Variants in SLC39A8 observed in about 807,000 individuals in gnomAD.
SLC39A8 encodes solute carrier family 39 member 8, also known as metal cation symporter ZIP8.
Under a neutral mutation model 40.4 loss-of-function variants are expected in SLC39A8, and 15 were observed. The ratio of observed to expected loss-of-function variants is 0.37; its 90% CI spans 0.25 to 0.57. The LOEUF (loss-of-function observed/expected upper bound fraction) is 0.57. Ranked by LOEUF, SLC39A8 falls within the 20% of genes least tolerant of loss-of-function variation. SLC39A8 has a pLI of 0.75. For missense variants in SLC39A8, 472 were observed against 558.8 expected, an observed-to-expected ratio of 0.84 and a Z score of 1.57; for synonymous variants, 223 against 221.6, an observed-to-expected ratio of 1.01 and a Z score of -0.06.
chr4:102,307,379 T>G, intron 4 of SLC39A8, 57 bp downstream of exon 4: 1 of 1,582,494 alleles, frequency 6.3e-7, no homozygotes, highest in Non-Finnish European at 8.6e-7. Flanking sequence ...ACATACAAAG[T>G]GCTAAAACGT....
chr4:102,339,141 C>T (rs1192708034), intron 2 of SLC39A8, among the ~76,000 whole-genome samples: 1 of 152,064 alleles, frequency 6.6e-6, no homozygotes, highest in Non-Finnish European at 1.5e-5. Flanking sequence ...ACACACTGTA[C>T]ACAATCAACT....
At chr4:102,285,525 A>C (rs1160794541) in intron 6 of SLC39A8, among the ~76,000 whole-genome samples, 3 of 152,044 alleles carry the variant, frequency 2.0e-5, no homozygotes, top group African/African-American at 7.2e-5. Flanking sequence ...ATTATTAGTG[A>C]AGTATTAATA....
chr4:102,291,276 T>C (rs1165077806), intron 6 of SLC39A8, among the ~76,000 whole-genome samples: 2 of 152,034 alleles, frequency 1.3e-5, no homozygotes, highest in Non-Finnish European at 2.9e-5. Context: ...TGAAAATGTA[T>C]GCATTCTTTG....
rs974660134 is a variant in SLC39A8 at position 102,307,530 on chromosome 4, A to T, written c.458T>A (p.Ile153Lys). Residue 153 changes from isoleucine to lysine, a missense_variant, in exon 4 of 9, where the codon ATA becomes AAA. By Grantham distance (102) the Ile-to-Lys change is moderately radical. Coordinates refer to ENST00000356736, the MANE Select transcript of SLC39A8 (RefSeq NM_001135146.2). ...AATCTTTGGGAAATAAGATTTCTTT[A>T]TCAGTGGAGTCAAAATCAATCCGAG... ...SLLGLILTPL[I>K]KKSYFPKILT... 2 of 1,613,428 alleles carry T rather than the reference A, an allele frequency of 1.2e-6. No homozygotes were observed. The highest frequency in any genetic ancestry group is 2.7e-5 in the African/African-American group (2 of 74,874).
intron 2 of SLC39A8, chr4:102,324,205 G>C: frequency 3.7e-6 from 1 of 269,262 alleles, no homozygotes; most frequent in Non-Finnish European, 7.7e-6. Flanking sequence ...GACCATCCTG[G>C]CCAACATGGT....
intron 3 of SLC39A8, among the ~76,000 whole-genome samples, chr4:102,313,907 T>C (rs2149039493): frequency 6.6e-6 from 1 of 152,122 alleles, no homozygotes; most frequent in East Asian, 1.9e-4. Flanking sequence ...TTAAATATCA[T>C]CTCTAGACTG....
At position 102,263,176 on chromosome 4, in the gene SLC39A8, A is replaced by G; in HGVS notation, c.1251T>C (p.Asp417=). ...TTCCAGTTACCTTTTCTCTCAGCAT[A>G]TCATTCATCTCTGGAAACTAGAAGA... is the stretch of plus-strand genomic sequence containing the variant. The part of the protein sequence containing the change: ...SLADMFPEMN[D]MLREKVTGRK... Residue 417 remains aspartate, a synonymous_variant, in exon 9 of 9, where the codon GAT becomes GAC. Coordinates refer to ENST00000356736, the MANE Select transcript of SLC39A8 (RefSeq NM_001135146.2). The G allele has an allele frequency of 6.2e-7, 1 of 1,613,482 alleles. No homozygotes were observed. Among genetic ancestry groups the G allele is most frequent in the South Asian group, 1.1e-5 (1 of 91,014 alleles).
intron 6 of SLC39A8, among the ~76,000 whole-genome samples, chr4:102,288,275 A>T (rs1476395098): frequency 6.6e-6 from 1 of 152,008 alleles, no homozygotes; most frequent in East Asian, 1.9e-4. Context: ...TGATGTTACT[A>T]TTGTCATTGT....
chr4:102,264,637 C>G (rs547644069), intron 8 of SLC39A8, among the ~76,000 whole-genome samples: 9 of 152,282 alleles, frequency 5.9e-5, no homozygotes, highest in African/African-American at 1.9e-4. Flanking sequence ...TATGGAAAGT[C>G]CTGGATGGCA....
At chr4:102,313,612 T>G (rs770638518) in intron 3 of SLC39A8, among the ~76,000 whole-genome samples, 3 of 152,042 alleles carry the variant, frequency 2.0e-5, no homozygotes, top group Non-Finnish European at 4.4e-5. Context: ...TTTTTTGAGA[T>G]GAGGTCTCCC....
At chr4:102,275,213 T>C (rs1732561389) in intron 6 of SLC39A8, among the ~76,000 whole-genome samples, 1 of 151,974 alleles carries the variant, frequency 6.6e-6, no homozygotes, top group African/African-American at 2.4e-5. Flanking sequence ...ACCCATCTCA[T>C]GTAAGAAGAC....
Position 102,337,233 on chromosome 4 carries a change from C to T in SLC39A8, c.219+7211G>A, listed in dbSNP as rs79824626. On this transcript the variant is annotated intron_variant, in intron 2 of 8. Coordinates refer to ENST00000356736, the MANE Select transcript of SLC39A8 (RefSeq NM_001135146.2). ...ACCACCAAAAGGAATTCACTTTTCTCAAAAAAAAAAAAAAAGAATCAAAAG... is the reference window on the plus strand; with the variant it reads ...ACCACCAAAAGGAATTCACTTTTCTTAAAAAAAAAAAAAAAGAATCAAAAG... Among the ~76,000 whole-genome samples the T allele has an allele frequency of 1.8e-4, 20 of 110,056 alleles. No homozygotes were observed. The East Asian group carries it at 4.9e-3, about 27-fold the overall frequency. The allele number at this position is 110,056 out of a possible 152,430, so 72.2% of individuals were successfully genotyped here.
chr4:102,297,235 G>A (rs754883921), intron 6 of SLC39A8, among the ~76,000 whole-genome samples: 3 of 121,958 alleles, frequency 2.5e-5, no homozygotes, highest in Non-Finnish European at 5.5e-5. Flanking sequence ...AATAGGCAGC[G>A]TAGTGTAAGG....
chr4:102,274,287 A>T (rs2149010116), intron 6 of SLC39A8, among the ~76,000 whole-genome samples: 1 of 152,370 alleles, frequency 6.6e-6, no homozygotes. Context: ...AACACAGCAC[A>T]AGAACTTCGT....
chr4:102,328,801 G>A (rs1235306352), intron 2 of SLC39A8, among the ~76,000 whole-genome samples: 1 of 152,100 alleles, frequency 6.6e-6, no homozygotes, highest in African/African-American at 2.4e-5. Context: ...CAAGGTGGGA[G>A]GATCACGAGG....
At chr4:102,343,200 C>T (rs1736017940) in intron 2 of SLC39A8, among the ~76,000 whole-genome samples, 1 of 152,124 alleles carries the variant, frequency 6.6e-6, no homozygotes, top group African/African-American at 2.4e-5. Context: ...AGAGAGACCA[C>T]CTCTGACATG....
chr4:102,308,763 A>G (rs1365911883), intron 3 of SLC39A8, among the ~76,000 whole-genome samples: 1 of 152,294 alleles, frequency 6.6e-6, no homozygotes, highest in African/African-American at 2.4e-5. Context: ...AGTGGAGTAC[A>G]CTAGTAACAC....
intron 6 of SLC39A8, among the ~76,000 whole-genome samples, chr4:102,291,628 C>T (rs1733447670): frequency 6.6e-6 from 1 of 151,928 alleles, no homozygotes; most frequent in African/African-American, 2.4e-5. Context: ...AATATACCAC[C>T]ACTCCATTCC....
intron 2 of SLC39A8, among the ~76,000 whole-genome samples, chr4:102,326,337 A>G (rs1463165177): frequency 2.0e-5 from 3 of 152,152 alleles, no homozygotes; most frequent in Non-Finnish European, 2.9e-5. Context: ...CGAGGCGGGC[A>G]GATCACAAGG....
Sources: allele counts gnomAD v4.1 joint callset (sites outside exome capture counted in the v4.1 genomes callset), GRCh38; gene constraint gnomAD v4.1.1; transcripts MANE v1.5; gene names NCBI Gene and HGNC (gene_info 2026-07-23, HGNC 2026-07-21).